Variants in TUBA3E observed in about 807,000 individuals in gnomAD.
The protein encoded by TUBA3E is tubulin alpha 3e, also known as tubulin alpha-3E chain.
TUBA3E carries 21 observed loss-of-function variants against 36.7 expected under a neutral mutation model. That is an observed-to-expected ratio of 0.57 (90% confidence interval 0.41 to 0.83). The LOEUF is 0.83. TUBA3E is among the 40% of genes least tolerant of loss of function. The pLI, the probability that TUBA3E is intolerant of heterozygous loss-of-function variation, is 0.00. For synonymous variants in TUBA3E, 177 were observed against 241.9 expected (o/e 0.73, Z 2.49); for missense variants, 469 against 604.2 (o/e 0.78, Z 2.35).
intron 4 of TUBA3E, among the ~76,000 whole-genome samples, chr2:130,192,583 TA>T (rs1690293034): frequency 6.6e-6 from 1 of 152,150 alleles, no homozygotes; most frequent in Admixed American, 6.5e-5. Context: ...TATGCAAAGG[TA>T]GCAGATCATG....
In TUBA3E at chr2:130,194,186, A is replaced by C; in HGVS notation, c.656T>G (p.Ile219Ser). The change falls in exon 4 of 5, where the codon ATT becomes AGT. Residue 219 changes from isoleucine to serine, a missense_variant. Coordinates refer to ENST00000312988, the MANE Select transcript of TUBA3E (RefSeq NM_207312.3). Reference protein sequence around the residue: ...IYDICRRNLDIERPTYTNLNR... With the variant: ...IYDICRRNLDSERPTYTNLNR... ...GAGGTTGGTGTACGTGGGACGTTCA[A>C]TGTCCAGGTTGCGCCGACATATGTC... is the stretch of plus-strand genomic sequence containing the variant. The C allele has an allele frequency of 6.2e-7, 1 of 1,613,320 alleles. No homozygotes were observed. Among genetic ancestry groups the C allele is most frequent in the Non-Finnish European group, 8.5e-7 (1 of 1,179,952 alleles).
At chr2:130,197,117 A>AC (rs1332276562) in intron 1 of TUBA3E, among the ~76,000 whole-genome samples, 32 of 152,064 alleles carry the variant, frequency 2.1e-4, no homozygotes, top group Admixed American at 2.1e-3. Context: ...CCCTCTCTCT[A>AC]CCCCTTGAAG....
At position 130,191,876 on chromosome 2, in the gene TUBA3E, G is replaced by A. The variant is rs779523759; in HGVS notation, c.1308C>T (p.Gly436=). Residue 436 remains glycine (G), a synonymous_variant, in exon 5 of 5, where the codon GGC becomes GGT. Transcript: ENST00000312988. The stretch of plus-strand genomic sequence containing the variant: ...CAGCCTCAGCTTCCACGGAATCCAC[G>A]CCCACCTCTTCACAATCCTTCTCTA... ...AALEKDCEEV[G]VDSVEAEAEE... 3.2e-5 allele frequency: 52 copies of A among 1,613,694 alleles called. No individual in the cohort carries two copies. The highest frequency in any genetic ancestry group is 1.6e-4 in the Middle Eastern group (1 of 6,084).
intron 1 of TUBA3E, among the ~76,000 whole-genome samples, chr2:130,197,171 C>A (rs1690427906): frequency 6.6e-6 from 1 of 152,200 alleles, no homozygotes; most frequent in African/African-American, 2.4e-5. Context: ...TGCTGGGACA[C>A]TGCACTGTCC....
Position 130,194,439 on chromosome 2 carries a change from A to C in TUBA3E, c.403T>G (p.Phe135Val). 6.3e-7 allele frequency: 1 copy of C among 1,592,754 alleles called. No homozygotes were observed. Among genetic ancestry groups the C allele is most frequent in the Non-Finnish European group, 8.5e-7 (1 of 1,170,246 alleles). The change falls in exon 4 of 5, where the codon TTC becomes GTC. Residue 135 changes from phenylalanine to valine, a missense_variant. Around this residue, in one of 3 missense-constraint regions of TUBA3E, gnomAD observed 169 missense variants for 239.0 expected, o/e 0.71. Transcript: ENST00000312988. ...CCCCCAAAGCTGTGGAAGATGAGGA[A>C]GCCCTGCAGTCCTGTGCACAGATCC... The part of the protein sequence containing the change: ...LADLCTGLQG[F>V]LIFHSFGGGT...
Position 130,191,846 on chromosome 2 carries a change from T to G in TUBA3E, c.1338A>C (p.Glu446Asp). The stretch of plus-strand genomic sequence containing the variant: ...CACCCTCCCCTCAGTATGCTTCGCC[T>G]TCTTCAGCCTCAGCTTCCACGGAAT... The part of the protein sequence containing the change: ...GVDSVEAEAE[E>D]GEAY Residue 446 changes from glutamate to aspartate, a missense_variant, in exon 5 of 5, where the codon GAA (glutamate) becomes GAC (aspartate). By Grantham distance (45) the Glu-to-Asp change is conservative. Transcript: ENST00000312988. The G allele has an allele frequency of 8.1e-6, 13 of 1,605,154 alleles. No homozygotes were observed. The South Asian group carries it at 8.9e-5, about 11-fold the overall frequency.
At position 130,191,896 on chromosome 2, in the gene TUBA3E, T is replaced by C. The variant is rs576105082; in HGVS notation, c.1288A>G (p.Lys430Glu). 1.2e-5 allele frequency: 20 copies of C among 1,613,898 alleles called. No homozygotes were observed. The Admixed American group carries it at 1.7e-4, about 13-fold the overall frequency. The change falls in exon 5 of 5, where the codon AAG becomes GAG. Residue 430 changes from lysine (K) to glutamate (E), a missense_variant. This residue lies in a region of TUBA3E where 296 missense variants were observed against 346.9 expected (regional missense o/e 0.85). Transcript: ENST00000312988. The part of the protein sequence containing the change: ...EAREDLAALE[K>E]DCEEVGVDSV... ...TCCACGCCCACCTCTTCACAATCCT[T>C]CTCTAGAGCTGCCAGGTCCTCGCGG...
In TUBA3E at chr2:130,194,378, T is replaced by C. The variant is rs766455068; in HGVS notation, c.464A>G (p.Glu155Gly). The change falls in exon 4 of 5, where the codon GAG (glutamate) becomes GGG (glycine). Residue 155 changes from glutamate to glycine, a missense_variant. By Grantham distance (98) the Glu-to-Gly change is moderately conservative. Around this residue, in one of 3 missense-constraint regions of TUBA3E, gnomAD observed 169 missense variants for 239.0 expected, o/e 0.71. Transcript: ENST00000312988. Reference protein sequence around the residue: ...TGSGFASLLMERLSVDYSKKS... With the variant: ...TGSGFASLLMGRLSVDYSKKS... ...CTTGCTGTAATCCACTGAGAGCCGC[T>C]CCATGAGCAGAGATGCGAACCCAGA... The C allele has an allele frequency of 6.2e-7, 1 of 1,612,980 alleles. No homozygotes were observed. The highest frequency in any genetic ancestry group is 1.1e-5 in the South Asian group (1 of 90,988).
chr2:130,196,433 T>G, intron 1 of TUBA3E, 62 bp from the exon 2 acceptor site: 1 of 1,569,522 alleles, frequency 6.4e-7, no homozygotes, highest in Non-Finnish European at 8.6e-7. Context: ...CTATATGGCA[T>G]GCAAAATATT....
intron 4 of TUBA3E, among the ~76,000 whole-genome samples, chr2:130,192,333 C>A (rs1385305304): frequency 6.6e-6 from 1 of 152,168 alleles, no homozygotes; most frequent in Non-Finnish European, 1.5e-5. Flanking sequence ...GGTAGCCACC[C>A]TGGTGGGATC....
At position 130,191,844 on chromosome 2, in the gene TUBA3E, C is replaced by T. The variant is rs1456893206; in HGVS notation, c.1340G>A (p.Gly447Asp). The T allele has an allele frequency of 1.2e-6, 2 of 1,603,412 alleles. No individual in the cohort carries two copies. Among genetic ancestry groups the T allele is most frequent in the South Asian group, 1.1e-5 (1 of 88,914 alleles). ...VDSVEAEAEE[G>D]EAY Reference sequence around the variant, plus strand: ...CACACCCTCCCCTCAGTATGCTTCGCCTTCTTCAGCCTCAGCTTCCACGGA... The same window carrying T: ...CACACCCTCCCCTCAGTATGCTTCGTCTTCTTCAGCCTCAGCTTCCACGGA... The change falls in exon 5 of 5, where the codon GGC becomes GAC. Residue 447 changes from glycine (G) to aspartate (D), a missense_variant. Transcript: ENST00000312988.
intron 4 of TUBA3E, among the ~76,000 whole-genome samples, chr2:130,192,640 T>C (rs1690294474): frequency 6.6e-6 from 1 of 152,156 alleles, no homozygotes; most frequent in Non-Finnish European, 1.5e-5. Context: ...CAGGAAGTGG[T>C]CGAAGTGGTC....
chr2:130,193,592 G>A (rs1393066662), intron 4 of TUBA3E, among the ~76,000 whole-genome samples, 194 bp downstream of exon 4: 2 of 131,846 alleles, frequency 1.5e-5, no homozygotes, highest in African/African-American at 5.8e-5. Flanking sequence ...CTGGTCGACA[G>A]AGCAAGACTG....
intron 4 of TUBA3E, 120 bp from the exon 5 acceptor site, chr2:130,192,247 A>C (rs1347026042): frequency 7.5e-7 from 1 of 1,341,970 alleles, no homozygotes; most frequent in Non-Finnish European, 1.0e-6. Context: ...AGTTCACCTC[A>C]CAAACGTCAC....
At chr2:130,193,587 C>G (rs1424759386) in intron 4 of TUBA3E, among the ~76,000 whole-genome samples, 199 bp downstream of exon 4, 1 of 137,162 alleles carries the variant, frequency 7.3e-6, no homozygotes, top group Non-Finnish European at 1.5e-5. Flanking sequence ...CCAGCCTGGT[C>G]GACAGAGCAA....
chr2:130,194,202 G>A lies in TUBA3E; in HGVS notation c.640C>T (p.Arg214Trp), dbSNP rs147088601. Residue 214 changes from arginine (R) to tryptophan (W), a missense_variant, in exon 4 of 5, where the codon CGG becomes TGG. Arg to Trp is a moderately radical substitution (Grantham distance 101). Around this residue, in one of 3 missense-constraint regions of TUBA3E, gnomAD observed 296 missense variants for 346.9 expected, o/e 0.85. Coordinates refer to ENST00000312988, the MANE Select transcript of TUBA3E (RefSeq NM_207312.3). ...GGACGTTCAATGTCCAGGTTGCGCC[G>A]ACATATGTCATAGATGGCTTCATTG... ...VDNEAIYDICRRNLDIERPTY... is the reference protein window; with the variant it reads ...VDNEAIYDICWRNLDIERPTY... 316 of 1,613,062 alleles carry A rather than the reference G, an allele frequency of 2.0e-4. 1 individual carries two copies. In the East Asian group the frequency reaches 2.7e-3, roughly 14 times the overall value.
At chr2:130,193,696 T>A in intron 4 of TUBA3E, 90 bp downstream of exon 4, 1 of 1,500,904 alleles carries the variant, frequency 6.7e-7, no homozygotes, top group South Asian at 1.3e-5. Context: ...GGAACAGGGA[T>A]AGTCTCCCCA....
Position 130,193,795 on chromosome 2 carries a change from A to G in TUBA3E, c.1047T>C (p.Thr349=), listed in dbSNP as rs1249211979. The part of the protein sequence containing the change: ...RTIQFVDWCP[T]GFKVGINYQP... ...TGTCACCCAGTCATACCTTAAATCC[A>G]GTCGGGCACCAATCCACAAACTGGA... is the stretch of plus-strand genomic sequence containing the variant. Residue 349 remains threonine, a synonymous_variant, in exon 4 of 5, where the codon ACT becomes ACC. Transcript: ENST00000312988. 6.2e-7 allele frequency: 1 copy of G among 1,605,964 alleles called. No individual in the cohort carries two copies. The highest frequency in any genetic ancestry group is 8.5e-7 in the Non-Finnish European group (1 of 1,174,026).
Position 130,198,393 on chromosome 2 carries a change from T to G in TUBA3E, c.-33A>C, listed in dbSNP as rs370496223. The G allele has an allele frequency of 1.4e-3, 1,855 of 1,355,776 alleles. 479 individuals are homozygous for G. The highest frequency in any genetic ancestry group is 5.0e-3 in the African/African-American group (321 of 64,782). The allele number at this position is 1,355,776 out of a possible 1,614,324, so 84.0% of individuals were successfully genotyped here. A position where few individuals can be genotyped will look rare whatever the true frequency, so the allele number is the denominator to read the frequency against. On this transcript the variant is annotated 5_prime_UTR_variant, in exon 1 of 5. Coordinates refer to ENST00000312988, the MANE Select transcript of TUBA3E (RefSeq NM_207312.3). ...TCCGCTGCTTCAGCCCAACGCTACTTCCAGACCTCAACCGGCTGCCACAGC... is the reference window on the plus strand; with the variant it reads ...TCCGCTGCTTCAGCCCAACGCTACTGCCAGACCTCAACCGGCTGCCACAGC...
Sources: allele counts gnomAD v4.1 joint callset (sites outside exome capture counted in the v4.1 genomes callset), GRCh38; gene constraint gnomAD v4.1.1; regional missense constraint gnomAD v4.1.1; transcripts MANE v1.5; gene names NCBI Gene and HGNC (gene_info 2026-07-23, HGNC 2026-07-21).